Variants in FYB1 observed in about 807,000 individuals in gnomAD.
FYB1 encodes the protein FYN-binding protein 1.
In FYB1, 41 loss-of-function variants were observed where a neutral mutation model predicts 94.1. That is an observed-to-expected ratio of 0.44 (90% confidence interval 0.34 to 0.57). The LOEUF is 0.57. Among genes scored for constraint, FYB1 ranks in the 20% least tolerant of loss-of-function variants. The pLI is 0.02. For synonymous variants in FYB1, 367 were observed against 353.2 expected, an observed-to-expected ratio of 1.04 and a Z score of -0.44; for missense variants, 1,050 against 976.8, an observed-to-expected ratio of 1.07 and a Z score of -1.00.
At chr5:39,161,042 T>A (rs4957354) in intron 2 of FYB1, among the ~76,000 whole-genome samples, 149,110 of 152,346 alleles carry the variant, frequency 0.98, 73,037 homozygotes, top group Non-Finnish European at 1. Flanking sequence ...CCTGGTGTTA[T>A]CACCTAGCTC....
intron 16 of FYB1, among the ~76,000 whole-genome samples, chr5:39,116,593 A>G (rs1739591858): frequency 6.6e-6 from 1 of 152,124 alleles, no homozygotes; most frequent in African/African-American, 2.4e-5. Flanking sequence ...CTGAATGGCT[A>G]CTTATTCTTA....
chr5:39,148,189 ATATATATATATATATATATTTG>A (rs1742908508), intron 3 of FYB1, among the ~76,000 whole-genome samples: 1 of 73,050 alleles, frequency 1.4e-5, no homozygotes, highest in African/African-American at 6.4e-5. Flanking sequence ...ATATATATAT[ATATATATATATATATATATTTG>A]TAGACGCAGG....
chr5:39,211,254 T>G (rs1422404942), intron 1 of FYB1, among the ~76,000 whole-genome samples: 1 of 152,106 alleles, frequency 6.6e-6, no homozygotes, highest in Non-Finnish European at 1.5e-5. Context: ...AGTTCTTTCA[T>G]TTTTTCTGTT....
chr5:39,163,338 A>G (rs956109766), intron 2 of FYB1, among the ~76,000 whole-genome samples: 6 of 152,240 alleles, frequency 3.9e-5, no homozygotes, highest in Admixed American at 1.3e-4. Context: ...GAACAGTCCA[A>G]CAAAGTGGAA....
chr5:39,261,296 A>G (rs942157553), intron 1 of FYB1, among the ~76,000 whole-genome samples: 5 of 114,886 alleles, frequency 4.4e-5, no homozygotes, highest in Non-Finnish European at 9.1e-5. Context: ...TCCGAACTTA[A>G]AGTAGAATTA....
intron 3 of FYB1, among the ~76,000 whole-genome samples, chr5:39,147,584 G>T: frequency 6.6e-6 from 1 of 151,284 alleles, no homozygotes; most frequent in East Asian, 1.9e-4. Flanking sequence ...CACCTGTCTC[G>T]AATCTTTTAT....
At position 39,265,234 on chromosome 5, in the gene FYB1, C is replaced by T. The variant is rs1385781877; in HGVS notation, c.-28+9169G>A. 3.9e-5 allele frequency among the ~76,000 whole-genome samples: 6 copies of T among 152,238 alleles called. No homozygotes were observed. In the South Asian group the frequency reaches 1.2e-3, roughly 32 times the overall value. On this transcript the variant is annotated intron_variant, in intron 1 of 1. Transcript: ENST00000510188. ...TGGTGGCTCACGCCTGTAATCCCAG[C>T]ATTCTGGGAGGCCGAGGCAGGTGGA...
intron 9 of FYB1, among the ~76,000 whole-genome samples, chr5:39,132,539 T>G (rs1260531125): frequency 6.6e-6 from 1 of 152,146 alleles, no homozygotes; most frequent in Non-Finnish European, 1.5e-5. Context: ...AATATAAGAT[T>G]CTTTTTTTGT....
chr5:39,179,832 A>ATG (rs1746058352), intron 2 of FYB1, among the ~76,000 whole-genome samples: 1 of 151,360 alleles, frequency 6.6e-6, no homozygotes, highest in South Asian at 2.1e-4. Context: ...AAGTCTATTC[A>ATG]CCCCTACCTC....
At position 39,201,874 on chromosome 5, in the gene FYB1, G is replaced by A. The variant is rs1011483375; in HGVS notation, c.1087C>T (p.Pro363Ser). The A allele has an allele frequency of 1.9e-6, 3 of 1,613,936 alleles. No individual in the cohort carries two copies. The highest frequency in any genetic ancestry group is 2.5e-6 in the Non-Finnish European group (3 of 1,179,848). Reference sequence around the variant, plus strand: ...AATTTCGTCAGGTCAACATTTGGTGGTCTGTTGGGTTTTGGTGGAGGTGGA... The same window carrying A: ...AATTTCGTCAGGTCAACATTTGGTGATCTGTTGGGTTTTGGTGGAGGTGGA... ...LGPPPPKPNR[P>S]PNVDLTKFHK... Residue 363 changes from proline (P) to serine (S), a missense_variant, in exon 2 of 19, where the codon CCA becomes TCA. Pro to Ser is a moderately conservative substitution (Grantham distance 74). Transcript: ENST00000512982.
At chr5:39,253,682 G>A (rs1304779068) in intron 1 of FYB1, among the ~76,000 whole-genome samples, 1 of 151,452 alleles carries the variant, frequency 6.6e-6, no homozygotes, top group Non-Finnish European at 1.5e-5. Flanking sequence ...AATGTGTGTT[G>A]TAAGGCATAG....
At chr5:39,119,463 T>C (rs1185641334) in intron 15 of FYB1, 72 bp downstream of exon 15, 8 of 1,149,696 alleles carry the variant, frequency 7.0e-6, no homozygotes, top group Admixed American at 7.2e-5. Context: ...ATAGTGTTTT[T>C]TTTGTTACTT....
intron 1 of FYB1, among the ~76,000 whole-genome samples, chr5:39,247,598 T>C (rs1751536534): frequency 1.3e-5 from 2 of 152,122 alleles, no homozygotes; most frequent in Non-Finnish European, 2.9e-5. Context: ...GGAATACAAG[T>C]GCAACTTCTA....
intron 4 of FYB1, chr5:39,139,885 GATATA>G (rs966283522): frequency 3.3e-5 from 5 of 152,002 alleles, no homozygotes; most frequent in Non-Finnish European, 4.4e-5. Flanking sequence ...ACATAGAGCT[GATATA>G]ATATAAAGGT....
intron 2 of FYB1, among the ~76,000 whole-genome samples, chr5:39,199,686 G>A (rs559865265): frequency 6.6e-6 from 1 of 152,218 alleles, no homozygotes; most frequent in African/African-American, 2.4e-5. Context: ...TTGCTTCTGT[G>A]AACATAAAGA....
intron 2 of FYB1, chr5:39,170,169 C>T (rs1745117118): frequency 1.3e-6 from 1 of 779,264 alleles, no homozygotes; most frequent in Admixed American, 1.9e-5. Context: ...TCTGATATGT[C>T]AAATCTGTAT....
At chr5:39,144,599 C>T (rs542356152) in intron 3 of FYB1, among the ~76,000 whole-genome samples, 2 of 152,050 alleles carry the variant, frequency 1.3e-5, no homozygotes, top group Non-Finnish European at 2.9e-5. Flanking sequence ...GTCAGGAGTT[C>T]GAGACCAGCC....
At chr5:39,251,460 T>C (rs1450433781) in intron 1 of FYB1, among the ~76,000 whole-genome samples, 1 of 152,136 alleles carries the variant, frequency 6.6e-6, no homozygotes, top group Admixed American at 6.5e-5. Flanking sequence ...TGGCTGATGC[T>C]CCATATGGGC....
At chr5:39,229,798 A>G (rs1355077646) in intron 1 of FYB1, among the ~76,000 whole-genome samples, 1 of 152,198 alleles carries the variant, frequency 6.6e-6, no homozygotes, top group African/African-American at 2.4e-5. Context: ...TTCAGTCTGT[A>G]TAATAGTCCA....
Sources: allele counts gnomAD v4.1 joint callset (sites outside exome capture counted in the v4.1 genomes callset), GRCh38; gene constraint gnomAD v4.1.1; transcripts MANE v1.5; gene names NCBI Gene and HGNC (gene_info 2026-07-23, HGNC 2026-07-21).